The following RBBP8 variants were observed in gnomAD, a reference collection of about 807,000 sequenced individuals.
RBBP8 encodes DNA endonuclease RBBP8.
Under a neutral mutation model 108.3 loss-of-function variants are expected in RBBP8, and 88 were observed. The observed-to-expected ratio is 0.81, with a 90% confidence interval of 0.68 to 0.97. The LOEUF (loss-of-function observed/expected upper bound fraction) is 0.97. Among genes scored for constraint, RBBP8 ranks in the 50% least tolerant of loss-of-function variants. The pLI is 0.00. For missense variants in RBBP8, 1,023 were observed against 1,049.0 expected (o/e 0.98, Z 0.34); for synonymous variants, 332 against 348.2 (o/e 0.95, Z 0.52).
chr18:22,951,438 G>T (rs1912026309), intron 4 of RBBP8, among the ~76,000 whole-genome samples: 1 of 152,130 alleles, frequency 6.6e-6, no homozygotes, highest in Non-Finnish European at 1.5e-5. Flanking sequence ...ATCGAATTAT[G>T]TAATTGAGTA....
At chr18:22,958,699 CCTGA>C (rs1912808447) in intron 4 of RBBP8, among the ~76,000 whole-genome samples, 1 of 152,100 alleles carries the variant, frequency 6.6e-6, no homozygotes, top group South Asian at 2.1e-4. Context: ...TAACACTACA[CCTGA>C]CTAATTTTCT....
chr18:23,016,238 A>AT (rs112885172), intron 16 of RBBP8, among the ~76,000 whole-genome samples: 63 of 149,658 alleles, frequency 4.2e-4, no homozygotes, highest in East Asian at 2.0e-3. Flanking sequence ...TAATTTTAGG[A>AT]TTTTTTTTTT....
intron 12 of RBBP8, 106 bp from the exon 13 acceptor site, chr18:22,996,268 A>G (rs769714609): frequency 6.6e-5 from 101 of 1,524,410 alleles, no homozygotes; most frequent in Non-Finnish European, 8.3e-5. Context: ...TTTACCAGAC[A>G]TATGATTTGC....
intron 10 of RBBP8, 94 bp downstream of exon 10, chr18:22,991,143 A>G: frequency 2.2e-6 from 2 of 905,168 alleles, no homozygotes; most frequent in East Asian, 2.7e-5. Context: ...CTCCTTCAAC[A>G]TATAGTTTGT....
At chr18:22,954,865 G>T (rs1912372482) in intron 4 of RBBP8, among the ~76,000 whole-genome samples, 1 of 152,116 alleles carries the variant, frequency 6.6e-6, no homozygotes, top group Admixed American at 6.5e-5. Flanking sequence ...GAAACCATCA[G>T]ATCTCGTTAG....
At position 22,962,869 on chromosome 18, in the gene RBBP8, G is replaced by A. The variant is rs999640535; in HGVS notation, c.249-5937G>A. 4.6e-5 allele frequency among the ~76,000 whole-genome samples: 7 copies of A among 152,070 alleles called. No individual in the cohort carries two copies. The East Asian group carries it at 1.3e-3, about 29-fold the overall frequency. ...ACGTGCCTCAGCCTCCCAAAGTACT[G>A]GAGTTACAGGCATGAGCCACCGCAC... On this transcript the variant is annotated intron_variant, in intron 4 of 18. Transcript: ENST00000327155.
intron 3 of RBBP8, among the ~76,000 whole-genome samples, chr18:22,917,319 G>A (rs572720318): frequency 4.1e-4 from 63 of 152,328 alleles, no homozygotes; most frequent in South Asian, 1.0e-3. Context: ...AAAAGCATGT[G>A]AGCTTTTGAG....
intron 4 of RBBP8, among the ~76,000 whole-genome samples, chr18:22,962,782 G>A (rs564507014): frequency 6.1e-4 from 91 of 148,452 alleles, no homozygotes; most frequent in African/African-American, 2.2e-3. Context: ...GATATTTTTC[G>A]TACGGACAGG....
intron 8 of RBBP8, among the ~76,000 whole-genome samples, chr18:22,986,981 A>G (rs935640455): frequency 6.6e-6 from 1 of 152,184 alleles, no homozygotes; most frequent in Non-Finnish European, 1.5e-5. Context: ...TTCCTTATAC[A>G]GTATCTGCAG....
intron 3 of RBBP8, chr18:22,920,652 G>A (rs1857300200): frequency 6.6e-6 from 1 of 152,012 alleles, no homozygotes; most frequent in South Asian, 2.1e-4. Context: ...GAAACATTAA[G>A]AAATATAAGA....
intron 16 of RBBP8, among the ~76,000 whole-genome samples, chr18:23,016,612 C>T (rs2046259307): frequency 6.6e-6 from 1 of 152,034 alleles, no homozygotes; most frequent in Non-Finnish European, 1.5e-5. Context: ...ATTTGCAGGT[C>T]ACTTTGGATA....
intron 1 of RBBP8, among the ~76,000 whole-genome samples, chr18:22,934,472 TTA>T (rs1910328857): frequency 2.6e-5 from 4 of 152,268 alleles, no homozygotes; most frequent in South Asian, 4.1e-4. Context: ...TAGAAATCGT[TTA>T]TGTCTTCTTT....
At chr18:22,990,135 CT>C (rs1428499758) in intron 9 of RBBP8, among the ~76,000 whole-genome samples, 2 of 152,124 alleles carry the variant, frequency 1.3e-5, no homozygotes, top group African/African-American at 2.4e-5. Context: ...TAATTCCCCC[CT>C]ACCCATAAAC....
chr18:22,994,865 A>G (rs1221475927), intron 12 of RBBP8, among the ~76,000 whole-genome samples: 1 of 151,604 alleles, frequency 6.6e-6, no homozygotes, highest in African/African-American at 2.4e-5. Context: ...AGCTGGGACT[A>G]CAAGCATGCA....
intron 12 of RBBP8, among the ~76,000 whole-genome samples, chr18:22,995,055 T>TTC (rs1438715167): frequency 3.9e-5 from 6 of 152,162 alleles, no homozygotes; most frequent in African/African-American, 1.4e-4. Context: ...AATTTTTTTT[T>TTC]TCAGCCACCA....
At chr18:22,934,224 A>G (rs1044132418) in intron 1 of RBBP8, 1 of 152,326 alleles carries the variant, frequency 6.6e-6, no homozygotes, top group East Asian at 1.9e-4. Context: ...ATAACGGTTC[A>G]TTGCAGAGAG....
rs763386511 is a variant in RBBP8 at position 22,984,874 on chromosome 18, T to C, written c.605-12T>C. ...GTTTATTGTGTAATCTCTTATTTTT[T>C]TCTCCCCTTAGAAATGAGAAAAGTT... is the stretch of plus-strand genomic sequence containing the variant. On this transcript the variant is annotated splice_polypyrimidine_tract_variant and intron_variant, in intron 7 of 18. Coordinates refer to ENST00000327155, the MANE Select transcript of RBBP8 (RefSeq NM_002894.3). The C allele has an allele frequency of 1.2e-5, 17 of 1,463,518 alleles. No homozygotes were observed. Among genetic ancestry groups the C allele is most frequent in the Middle Eastern group, 1.8e-4 (1 of 5,628 alleles). 90.7% of individuals were successfully genotyped at this position (1,463,518 alleles called of 1,614,324 possible).
chr18:23,001,431 A>G (rs1417252503), intron 14 of RBBP8, 155 bp from the exon 15 acceptor site: 8 of 803,004 alleles, frequency 1.0e-5, no homozygotes, highest in African/African-American at 1.7e-5. Context: ...TAAGCTCAGT[A>G]CCCAATATAT....
intron 16 of RBBP8, among the ~76,000 whole-genome samples, chr18:23,008,138 C>T (rs558173339): frequency 5.3e-4 from 81 of 152,240 alleles, no homozygotes; most frequent in African/African-American, 1.8e-3. Context: ...AACCATAATG[C>T]GACCTTCTGC....
Sources: allele counts gnomAD v4.1 joint callset (sites outside exome capture counted in the v4.1 genomes callset), GRCh38; gene constraint gnomAD v4.1.1; transcripts MANE v1.5; gene names NCBI Gene and HGNC (gene_info 2026-07-23, HGNC 2026-07-21).